Variants in LMO7 observed in about 807,000 individuals in gnomAD.
The protein encoded by LMO7 is LIM domain 7, also known as LIM domain only protein 7.
In LMO7, 120 loss-of-function variants were observed where a neutral mutation model predicts 206.5. The ratio of observed to expected loss-of-function variants is 0.58; its 90% CI spans 0.50 to 0.68. The LOEUF (loss-of-function observed/expected upper bound fraction) is 0.68. Among genes scored for constraint, LMO7 ranks in the 30% least tolerant of loss-of-function variants. The probability of loss-of-function intolerance (pLI) is 0.00; values close to 1 mark genes in which losing one functional copy is unlikely to be tolerated. For missense variants in LMO7, 1,959 were observed against 1,957.9 expected (o/e 1.00, Z -0.01); for synonymous variants, 706 against 681.5 (o/e 1.04, Z -0.56).
chr13:75,696,244 A>G (rs1249820367), intron 1 of LMO7, among the ~76,000 whole-genome samples: 3 of 152,162 alleles, frequency 2.0e-5, no homozygotes, highest in African/African-American at 7.2e-5. Flanking sequence ...AGTTCCAGCT[A>G]CTTGGGAAGC....
rs1009605857 is a variant in LMO7 at position 75,760,513 on chromosome 13, C to T, written c.211-419C>T. On this transcript the variant is annotated intron_variant, in intron 3 of 30. Transcript: ENST00000377534. The stretch of plus-strand genomic sequence containing the variant: ...CTTATTTCTTCCCTGCCAACAGTTT[C>T]TGGGTGGGTGAATGTCAGTAGCTGG... 13 of 1,277,208 alleles carry T rather than the reference C, an allele frequency of 1.0e-5. No individual in the cohort carries two copies. In the African/African-American group the frequency reaches 2.0e-4, roughly 19 times the overall value. 79.1% of individuals were successfully genotyped at this position (1,277,208 alleles called of 1,614,324 possible).
intron 4 of LMO7, among the ~76,000 whole-genome samples, chr13:75,795,053 A>T (rs949609437): frequency 6.6e-6 from 1 of 151,600 alleles, no homozygotes; most frequent in Non-Finnish European, 1.5e-5. Context: ...ATCCCCCCTC[A>T]TTGGGTTTAA....
At chr13:75,694,267 A>G (rs1420644378) in intron 1 of LMO7, among the ~76,000 whole-genome samples, 2 of 152,304 alleles carry the variant, frequency 1.3e-5, no homozygotes, top group African/African-American at 4.8e-5. Flanking sequence ...TTTGGGGCTG[A>G]CAGGGGAAAG....
intron 7 of LMO7, chr13:75,804,046 A>G (rs945762043): frequency 1.1e-5 from 4 of 361,258 alleles, no homozygotes; most frequent in African/African-American, 8.3e-5. Context: ...CTAGTAAAAT[A>G]GGACTTATTC....
At chr13:75,665,244 G>A (rs996213749) in intron 1 of LMO7, among the ~76,000 whole-genome samples, 2 of 151,956 alleles carry the variant, frequency 1.3e-5, no homozygotes, top group African/African-American at 4.8e-5. Flanking sequence ...AGTTTTTGGT[G>A]TAAATTTAGA....
chr13:75,681,546 T>C (rs1048097813), intron 1 of LMO7, among the ~76,000 whole-genome samples: 16 of 151,678 alleles, frequency 1.1e-4, no homozygotes, highest in Admixed American at 4.6e-4. Context: ...CACTGTCCCA[T>C]TACCCTCCCC....
intron 27 of LMO7, among the ~76,000 whole-genome samples, chr13:75,850,981 A>G (rs1188692600): frequency 6.6e-6 from 1 of 152,194 alleles, no homozygotes; most frequent in Non-Finnish European, 1.5e-5. Flanking sequence ...GCCTCTCCAC[A>G]TAGTTTTTTG....
intron 2 of LMO7, among the ~76,000 whole-genome samples, chr13:75,624,002 A>G (rs186268159): frequency 6.6e-6 from 1 of 152,320 alleles, no homozygotes; most frequent in East Asian, 1.9e-4. Context: ...GCTTTGAATG[A>G]CGATCCCAGT....
intron 28 of LMO7, among the ~76,000 whole-genome samples, chr13:75,854,123 C>T (rs537680975): frequency 6.6e-5 from 10 of 152,284 alleles, no homozygotes; most frequent in African/African-American, 2.2e-4. Context: ...ACAGATCTTT[C>T]ATGCCTCATG....
chr13:75,741,484 A>C (rs1184109745), intron 3 of LMO7, among the ~76,000 whole-genome samples: 1 of 152,244 alleles, frequency 6.6e-6, no homozygotes, highest in Non-Finnish European at 1.5e-5. Flanking sequence ...AATCCTCAAC[A>C]AAACACCGGC....
In LMO7 at chr13:75,848,167, G is replaced by A. The variant is rs188115469; in HGVS notation, c.4151-912G>A. On this transcript the variant is annotated intron_variant, in intron 26 of 30. Coordinates refer to ENST00000377534, the MANE Select transcript of LMO7 (RefSeq NM_001306080.2). Reference sequence around the variant, plus strand: ...TGAGATTTTGGTGCACCCATCTCTCGAGAAGTATACACTGAGCTGAATTTG... The same window carrying A: ...TGAGATTTTGGTGCACCCATCTCTCAAGAAGTATACACTGAGCTGAATTTG... Among the ~76,000 whole-genome samples, 1,009 of 152,156 alleles carry A rather than the reference G, an allele frequency of 6.6e-3. 11 individuals carry two copies. Among genetic ancestry groups the A allele is most frequent in the African/African-American group, 0.022 (906 of 41,512 alleles).
chr13:75,855,381 C>A lies in LMO7; in HGVS notation c.4770+13C>A. 1 of 1,561,026 alleles carries A rather than the reference C, an allele frequency of 6.4e-7. No individual in the cohort carries two copies. The highest frequency in any genetic ancestry group is 8.8e-7 in the Non-Finnish European group (1 of 1,132,752). On this transcript the variant is annotated intron_variant, in intron 29 of 30. Transcript: ENST00000377534. ...GCATTGTTTTAAGGTGAGACTGAGA[C>A]AAACAGCTTGCAGGCCTGCAAAGCT...
upstream of LMO7, among the ~76,000 whole-genome samples, chr13:75,635,181 G>GT (rs1467476159): frequency 6.6e-6 from 1 of 152,192 alleles, no homozygotes; most frequent in Non-Finnish European, 1.5e-5. Context: ...TCTCTGCTCT[G>GT]TATCTGACGT....
At chr13:75,625,426 CATGTGTGT>C (rs995985144) in intron 2 of LMO7, among the ~76,000 whole-genome samples, 2 of 10,284 alleles carry the variant, frequency 1.9e-4, no homozygotes, top group Admixed American at 2.7e-3. Flanking sequence ...AGTGTGTGTG[CATGTGTGT>C]GTGTGTGTGT....
Position 75,823,761 on chromosome 13 carries a change from A to G in LMO7, c.2837A>G (p.Gln946Arg), listed in dbSNP as rs761910049. ...SPTSPFSSLSQDQAATSKATL... is the reference protein window; with the variant it reads ...SPTSPFSSLSRDQAATSKATL... ...ACATCCCCCTTCTCATCTCTTTCCC[A>G]AGACCAGGCTGCCACTTCTAAAGCC... Residue 946 changes from glutamine to arginine, a missense_variant, in exon 15 of 31, where the codon CAA becomes CGA. Coordinates refer to ENST00000377534, the MANE Select transcript of LMO7 (RefSeq NM_001306080.2). The G allele has an allele frequency of 8.7e-6, 14 of 1,614,132 alleles. No homozygotes were observed. Among genetic ancestry groups the G allele is most frequent in the South Asian group, 2.2e-5 (2 of 91,082 alleles).
intron 1 of LMO7, among the ~76,000 whole-genome samples, chr13:75,646,520 G>A (rs957275728): frequency 6.6e-6 from 1 of 151,536 alleles, no homozygotes; most frequent in African/African-American, 2.4e-5. Context: ...CCCACTCTTC[G>A]ACTTGCTTAC....
chr13:75,748,249 G>A (rs2047009781), intron 3 of LMO7, among the ~76,000 whole-genome samples: 1 of 152,128 alleles, frequency 6.6e-6, no homozygotes, highest in Admixed American at 6.5e-5. Context: ...ATAAAATTGT[G>A]TTGTTTTAAG....
chr13:75,641,527 A>G (rs1449276421), intron 1 of LMO7, among the ~76,000 whole-genome samples: 1 of 152,216 alleles, frequency 6.6e-6, no homozygotes, highest in Non-Finnish European at 1.5e-5. Flanking sequence ...TCCAGAGAGC[A>G]CATTAATCTC....
chr13:75,747,141 ATATTT>A (rs2046907460), intron 3 of LMO7, among the ~76,000 whole-genome samples: 2 of 152,172 alleles, frequency 1.3e-5, no homozygotes, highest in Non-Finnish European at 2.9e-5. Context: ...AATTTCAATG[ATATTT>A]TAGTTGGAAA....
Sources: allele counts gnomAD v4.1 joint callset (sites outside exome capture counted in the v4.1 genomes callset), GRCh38; gene constraint gnomAD v4.1.1; transcripts MANE v1.5; gene names NCBI Gene and HGNC (gene_info 2026-07-23, HGNC 2026-07-21).